Variants in SH3BP4 observed in about 807,000 individuals in gnomAD.
The protein encoded by SH3BP4 is SH3 domain binding protein 4.
A neutral mutation model predicts 65.5 loss-of-function variants in SH3BP4; 33 were observed. The ratio of observed to expected loss-of-function variants is 0.50; its 90% CI spans 0.38 to 0.67. The LOEUF is 0.67. Ranked by LOEUF, SH3BP4 falls within the 30% of genes least tolerant of loss-of-function variation. SH3BP4 has a pLI of 0.00. For missense variants in SH3BP4, 1,134 were observed against 1,261.4 expected (o/e 0.90, Z 1.53); for synonymous variants, 552 against 545.5 (o/e 1.01, Z -0.17).
intron 1 of SH3BP4, among the ~76,000 whole-genome samples, chr2:234,981,405 C>T (rs574879337): frequency 5.3e-5 from 8 of 152,286 alleles, no homozygotes; most frequent in African/African-American, 1.4e-4. Flanking sequence ...TGGAGAGCCT[C>T]GTTCAGTGAG....
chr2:235,000,884 C>T lies in SH3BP4; in HGVS notation c.-133+5508C>T, dbSNP rs756255386. Among the ~76,000 whole-genome samples the T allele has an allele frequency of 5.6e-4, 86 of 152,360 alleles. No homozygotes were observed. The Middle Eastern group carries it at 0.031, about 54-fold the overall frequency. On this transcript the variant is annotated intron_variant, in intron 2 of 5. Transcript: ENST00000392011. ...TTCTGCACTGGTGGTGTCTCCCCAT[C>T]GCCCCAGCTGCTTGTGGGCAGGCGT...
Position 235,054,064 on chromosome 2 carries a change from A to C in SH3BP4, c.*248A>C. ...TGTTAAGTATAAATTTAAATTTAAAATCACTTTTTTAACGAATGGGGGGAA... is the reference window on the plus strand; with the variant it reads ...TGTTAAGTATAAATTTAAATTTAAACTCACTTTTTTAACGAATGGGGGGAA... On this transcript the variant is annotated 3_prime_UTR_variant, in exon 6 of 6. Coordinates refer to ENST00000392011, the MANE Select transcript of SH3BP4 (RefSeq NM_014521.3). 1.4e-5 allele frequency: 6 copies of C among 435,258 alleles called. No homozygotes were observed. Among genetic ancestry groups the C allele is most frequent in the Non-Finnish European group, 1.6e-5 (4 of 244,162 alleles). The allele number at this position is 435,258 out of a possible 1,614,324, so 27.0% of individuals were successfully genotyped here.
At position 235,041,670 on chromosome 2, in the gene SH3BP4, G is replaced by A. The variant is rs970345782; in HGVS notation, c.901G>A (p.Asp301Asn). 6.8e-6 allele frequency: 11 copies of A among 1,613,536 alleles called. No individual in the cohort carries two copies. The Admixed American group carries it at 1.7e-4, about 24-fold the overall frequency. Residue 301 changes from aspartate (D) to asparagine (N), a missense_variant, in exon 4 of 6, where the codon GAC becomes AAC. Physicochemically the swap from Asp to Asn is conservative, Grantham distance 23. Transcript: ENST00000392011. The surrounding 1 kb of genome is among the most constrained non-coding windows in gnomAD (Gnocchi z 6.0). ...GCTGGCCCGGTCTTGCCACGACCTG[G>A]ACTTGCTTGGCCAAAGCCCTGGTTG... ...RKLARSCHDLDLLGQSPGWGQ... is the reference protein window; with the variant it reads ...RKLARSCHDLNLLGQSPGWGQ...
intron 2 of SH3BP4, among the ~76,000 whole-genome samples, chr2:235,023,019 T>C (rs573476399): frequency 6.6e-6 from 1 of 152,248 alleles, no homozygotes; most frequent in African/African-American, 2.4e-5. Context: ...CCAGGAGAAA[T>C]AGGTGTACCT....
chr2:235,017,602 T>C (rs1002174813), intron 2 of SH3BP4, among the ~76,000 whole-genome samples: 1 of 152,186 alleles, frequency 6.6e-6, no homozygotes, highest in Non-Finnish European at 1.5e-5. Context: ...CTTCTCAGGA[T>C]GAGTGACTGG....
intron 1 of SH3BP4, among the ~76,000 whole-genome samples, chr2:234,990,724 G>C (rs971954212): frequency 1.3e-5 from 2 of 152,216 alleles, no homozygotes; most frequent in Non-Finnish European, 2.9e-5. Context: ...CGGGGCTGTT[G>C]TCAATGAACC....
chr2:234,984,267 A>G (rs1170896973), intron 1 of SH3BP4, among the ~76,000 whole-genome samples: 2 of 152,104 alleles, frequency 1.3e-5, no homozygotes, highest in South Asian at 2.1e-4. Context: ...CAGTGGTGCA[A>G]TCATGGCTCA....
In SH3BP4 at chr2:235,030,253, A is replaced by G. The variant is rs1458421284; in HGVS notation, c.-132-4618A>G. On this transcript the variant is annotated intron_variant, in intron 2 of 5. Transcript: ENST00000392011. The surrounding 1 kb of genome is among the most constrained non-coding windows in gnomAD (Gnocchi z 4.1). Reference sequence around the variant, plus strand: ...CTCCAGGGGCCCAGCAGCCACTGGCAGCGAAGGCCTGAGCAACTCTGGGCG... The same window carrying G: ...CTCCAGGGGCCCAGCAGCCACTGGCGGCGAAGGCCTGAGCAACTCTGGGCG... 3.3e-5 allele frequency among the ~76,000 whole-genome samples: 5 copies of G among 152,116 alleles called. No homozygotes were observed. Among genetic ancestry groups the G allele is most frequent in the Admixed American group, 1.3e-4 (2 of 15,282 alleles).
intron 2 of SH3BP4, among the ~76,000 whole-genome samples, chr2:235,025,727 T>A (rs1248699466): frequency 6.6e-6 from 1 of 152,180 alleles, no homozygotes; most frequent in Non-Finnish European, 1.5e-5. Context: ...ATAAAAGCAG[T>A]AAATGCCTAG....
intron 1 of SH3BP4, among the ~76,000 whole-genome samples, chr2:234,956,040 C>T (rs369037991): frequency 4.0e-4 from 61 of 152,296 alleles, no homozygotes; most frequent in Non-Finnish European, 8.4e-4. Context: ...ATGCAAATAG[C>T]GGAGTGCCAG....
intron 1 of SH3BP4, among the ~76,000 whole-genome samples, chr2:234,969,891 TCA>T (rs1031483628): frequency 2.0e-5 from 3 of 149,734 alleles, no homozygotes; most frequent in African/African-American, 7.6e-5. Flanking sequence ...TCGCTGTCTC[TCA>T]CACACACACT....
At chr2:234,988,452 G>A (rs528855694) in intron 1 of SH3BP4, among the ~76,000 whole-genome samples, 4 of 152,260 alleles carry the variant, frequency 2.6e-5, no homozygotes, top group South Asian at 4.2e-4. Flanking sequence ...CTCACCCCTG[G>A]CCATCAGTTT....
chr2:234,969,708 T>C (rs1351562550), intron 1 of SH3BP4, among the ~76,000 whole-genome samples: 1 of 152,178 alleles, frequency 6.6e-6, no homozygotes, highest in Non-Finnish European at 1.5e-5. Context: ...CTGCCCTGCC[T>C]CCTCTGGTGG....
At chr2:235,005,616 C>T (rs1434070757) in intron 2 of SH3BP4, among the ~76,000 whole-genome samples, 3 of 152,212 alleles carry the variant, frequency 2.0e-5, no homozygotes, top group Non-Finnish European at 4.4e-5. Flanking sequence ...CCCCCGCCTC[C>T]GCCACCCTGC....
At chr2:235,002,226 C>T (rs776534508) in intron 2 of SH3BP4, among the ~76,000 whole-genome samples, 2 of 152,140 alleles carry the variant, frequency 1.3e-5, no homozygotes, top group African/African-American at 2.4e-5. Flanking sequence ...GAGGAAGCTG[C>T]GGGAGAGAAC....
intron 1 of SH3BP4, among the ~76,000 whole-genome samples, chr2:234,970,051 A>ACACT (rs370067759): frequency 0.04 from 5,970 of 147,770 alleles, 151 homozygotes; most frequent in African/African-American, 0.044. Context: ...ACTTACTCAC[A>ACACT]CACACTCATA....
At chr2:235,004,973 A>T (rs1694247353) in intron 2 of SH3BP4, among the ~76,000 whole-genome samples, 1 of 152,186 alleles carries the variant, frequency 6.6e-6, no homozygotes, top group African/African-American at 2.4e-5. Context: ...CCCAGGAGGT[A>T]GGGCTTGGTA....
At chr2:235,040,636 G>T (rs1695601890) in intron 3 of SH3BP4, among the ~76,000 whole-genome samples, 1 of 151,932 alleles carries the variant, frequency 6.6e-6, no homozygotes, top group South Asian at 2.1e-4. Flanking sequence ...CTTTCTGTGA[G>T]TGATGGAGAG....
chr2:235,052,850 C>A lies in SH3BP4; in HGVS notation c.2667+100C>A. 1 of 1,175,416 alleles carries A rather than the reference C, an allele frequency of 8.5e-7. No individual in the cohort carries two copies. The highest frequency in any genetic ancestry group is 1.2e-6 in the Non-Finnish European group (1 of 849,372). 72.8% of individuals were successfully genotyped at this position (1,175,416 alleles called of 1,614,324 possible). On this transcript the variant is annotated intron_variant, in intron 5 of 5. Coordinates refer to ENST00000392011, the MANE Select transcript of SH3BP4 (RefSeq NM_014521.3). The surrounding 1 kb of genome is among the most constrained non-coding windows in gnomAD (Gnocchi z 5.0). Reference sequence around the variant, plus strand: ...TAAAAAGTCTTGCCTCGCGGCATTTCTGTGAGGGTGCAACAGGTGGAAATG... The same window carrying A: ...TAAAAAGTCTTGCCTCGCGGCATTTATGTGAGGGTGCAACAGGTGGAAATG...
Sources: allele counts gnomAD v4.1 joint callset (sites outside exome capture counted in the v4.1 genomes callset), GRCh38; gene constraint gnomAD v4.1.1; non-coding constraint Gnocchi (gnomAD v3.1); transcripts MANE v1.5; gene names NCBI Gene and HGNC (gene_info 2026-07-23, HGNC 2026-07-21).